ATP9B: variants seen among roughly 807,000 people sequenced by gnomAD.
The protein encoded by ATP9B is probable phospholipid-transporting ATPase IIB.
ATP9B carries 110 observed loss-of-function variants against 146.1 expected under a neutral mutation model. The observed-to-expected ratio is 0.75, with a 90% CI of 0.65 to 0.88. ATP9B has a LOEUF of 0.88. ATP9B is among the 40% of genes least tolerant of loss of function. The pLI is 0.00. For synonymous variants in ATP9B, 604 were observed against 569.7 expected, an observed-to-expected ratio of 1.06 and a Z score of -0.86; for missense variants, 1,499 against 1,496.4, an observed-to-expected ratio of 1.00 and a Z score of -0.03.
intron 6 of ATP9B, among the ~76,000 whole-genome samples, chr18:79,150,878 G>A (rs75615419): frequency 0.027 from 4,050 of 152,214 alleles, 199 homozygotes; most frequent in African/African-American, 0.093. Flanking sequence ...GGGAGGCTTA[G>A]GGAGGAGGAT....
intron 2 of ATP9B, 141 bp from the exon 3 acceptor site, chr18:79,110,214 C>A: frequency 1.3e-6 from 1 of 741,074 alleles, no homozygotes; most frequent in Non-Finnish European, 1.9e-6. Flanking sequence ...TAAGAAAAAC[C>A]CCACAAATTA....
At chr18:79,207,143 A>G (rs2095542088) in intron 10 of ATP9B, 131 bp downstream of exon 10, 1 of 803,956 alleles carries the variant, frequency 1.2e-6, no homozygotes, top group African/African-American at 1.7e-5. Flanking sequence ...CGCAGACTCC[A>G]GCTCAGTGGG....
Position 79,377,622 on chromosome 18 carries a change from G to A in ATP9B, c.*239G>A. On this transcript the variant is annotated 3_prime_UTR_variant, in exon 30 of 30. Coordinates refer to ENST00000426216, the MANE Select transcript of ATP9B (RefSeq NM_198531.5). The stretch of plus-strand genomic sequence containing the variant: ...ATGCCAGGATGGCTTCTCCCTCTCA[G>A]TGCGAGGCTTCACCCCTGCCAGGCA... 1 of 548,572 alleles carries A rather than the reference G, an allele frequency of 1.8e-6. No individual in the cohort carries two copies. The allele number at this position is 548,572 out of a possible 1,614,324, so 34.0% of individuals were successfully genotyped here. A position where few individuals can be genotyped will look rare whatever the true frequency, so the allele number is the denominator to read the frequency against.
rs1386950642 is a variant in ATP9B at position 79,116,936 on chromosome 18, A to T, written c.558+3582A>T. Among the ~76,000 whole-genome samples the T allele has an allele frequency of 4.5e-5, 5 of 111,614 alleles. No individual in the cohort carries two copies. The East Asian group carries it at 1.5e-3, about 33-fold the overall frequency. The allele number at this position is 111,614 out of a possible 152,430, so 73.2% of individuals were successfully genotyped here. ...TTAGAGTATAATAAAAAAAAAAAAAAAATTAAAAAAAAAAAAAAAAGAAAT... is the reference window on the plus strand; with the variant it reads ...TTAGAGTATAATAAAAAAAAAAAAATAATTAAAAAAAAAAAAAAAAGAAAT... On this transcript the variant is annotated intron_variant, in intron 4 of 29. Transcript: ENST00000426216.
At chr18:79,288,717 C>T (rs865871266) in intron 13 of ATP9B, among the ~76,000 whole-genome samples, 3 of 152,318 alleles carry the variant, frequency 2.0e-5, no homozygotes, top group Middle Eastern at 3.4e-3. Context: ...ACTTGATGGT[C>T]TTTACAATTT....
intron 8 of ATP9B, among the ~76,000 whole-genome samples, chr18:79,184,597 CAT>C (rs1437564659): frequency 4.6e-5 from 7 of 152,152 alleles, no homozygotes; most frequent in African/African-American, 1.7e-4. Flanking sequence ...TAAGTTTTAT[CAT>C]AGAGACATTC....
At chr18:79,232,405 CAG>C (rs1190861127) in intron 11 of ATP9B, among the ~76,000 whole-genome samples, 2 of 151,964 alleles carry the variant, frequency 1.3e-5, no homozygotes, top group Admixed American at 1.3e-4. Flanking sequence ...AGCCCAAAGT[CAG>C]GGGCATAGGC....
intron 6 of ATP9B, among the ~76,000 whole-genome samples, chr18:79,147,671 G>A (rs929262467): frequency 6.6e-6 from 1 of 152,012 alleles, no homozygotes; most frequent in Non-Finnish European, 1.5e-5. Context: ...TGCGTGTAAG[G>A]GCACTGCTGG....
intron 8 of ATP9B, among the ~76,000 whole-genome samples, chr18:79,182,099 C>T (rs1430344829): frequency 6.6e-6 from 1 of 152,204 alleles, no homozygotes; most frequent in African/African-American, 2.4e-5. Flanking sequence ...TGTCCTTAAA[C>T]TTTGTTACAG....
At chr18:79,305,910 G>A (rs2096617847) in intron 14 of ATP9B, among the ~76,000 whole-genome samples, 1 of 152,206 alleles carries the variant, frequency 6.6e-6, no homozygotes, top group African/African-American at 2.4e-5. Context: ...CCCACTGGAG[G>A]CATTTGGTGA....
At chr18:79,324,885 A>G (rs1257990213) in intron 15 of ATP9B, among the ~76,000 whole-genome samples, 1 of 152,246 alleles carries the variant, frequency 6.6e-6, no homozygotes, top group Non-Finnish European at 1.5e-5. Flanking sequence ...TCTAGATGAT[A>G]AATTCGGGCT....
intron 12 of ATP9B, among the ~76,000 whole-genome samples, chr18:79,272,834 T>C (rs1183048020): frequency 6.6e-6 from 1 of 152,234 alleles, no homozygotes; most frequent in Non-Finnish European, 1.5e-5. Flanking sequence ...CAGATGCTGT[T>C]CCCGAGGCTC....
chr18:79,244,664 AAG>A (rs1396967960), intron 11 of ATP9B, among the ~76,000 whole-genome samples: 6 of 152,330 alleles, frequency 3.9e-5, no homozygotes, highest in Middle Eastern at 3.4e-3. Flanking sequence ...AGTATATTTT[AAG>A]AGTGTTTCTA....
intron 13 of ATP9B, among the ~76,000 whole-genome samples, chr18:79,288,867 C>T (rs2096471411): frequency 6.6e-6 from 1 of 152,156 alleles, no homozygotes; most frequent in African/African-American, 2.4e-5. Flanking sequence ...TTCTCCTTCA[C>T]TTACGAAGCT....
chr18:79,126,210 A>T, intron 4 of ATP9B, 57 bp from the exon 5 acceptor site: 1 of 1,420,924 alleles, frequency 7.0e-7, no homozygotes, highest in South Asian at 1.3e-5. Context: ...GTAACAAATA[A>T]TTTTGTCTTT....
In ATP9B at chr18:79,151,048, C is replaced by T. The variant is rs79906952; in HGVS notation, c.727-3456C>T. ...TTGATCTGTAGATTCAGTGTTACCC[C>T]TCTCAAAATCCCAGTTGATGTCTTT... On this transcript the variant is annotated intron_variant, in intron 6 of 29. Transcript: ENST00000426216. 3.3e-5 allele frequency among the ~76,000 whole-genome samples: 5 copies of T among 152,306 alleles called. No homozygotes were observed. In the South Asian group the frequency reaches 8.3e-4, roughly 25 times the overall value.
intron 14 of ATP9B, among the ~76,000 whole-genome samples, chr18:79,305,503 T>C (rs924533427): frequency 2.0e-5 from 3 of 152,174 alleles, no homozygotes; most frequent in African/African-American, 7.2e-5. Context: ...CCTAGGATAT[T>C]TATTAATAGA....
At chr18:79,091,859 T>TG (rs1323750498) in intron 1 of ATP9B, among the ~76,000 whole-genome samples, 2 of 152,208 alleles carry the variant, frequency 1.3e-5, no homozygotes, top group Non-Finnish European at 2.9e-5. Flanking sequence ...AGTCTTCAGT[T>TG]GCTATTGTGG....
At chr18:79,318,331 C>G (rs902659449) in intron 15 of ATP9B, among the ~76,000 whole-genome samples, 1 of 152,240 alleles carries the variant, frequency 6.6e-6, no homozygotes, top group Non-Finnish European at 1.5e-5. Context: ...TTGCTAGATG[C>G]AGCCCCCACA....
Sources: gnomAD v4.1 joint callset for allele counts (sites outside exome capture counted in the v4.1 genomes callset) on GRCh38, gnomAD v4.1.1 for gene constraint, MANE v1.5 for transcripts, NCBI Gene and HGNC (gene_info 2026-07-23, HGNC 2026-07-21) for gene names.